The following UGGT2 variants were observed in gnomAD, a reference collection of about 807,000 sequenced individuals.
UGGT2 encodes UDP-glucose glycoprotein glucosyltransferase 2, also known as UDP-glucose:glycoprotein glucosyltransferase 2.
Under a neutral mutation model 192.1 loss-of-function variants are expected in UGGT2, and 180 were observed. The observed-to-expected ratio is 0.94, with a 90% confidence interval of 0.83 to 1.06. UGGT2 has a LOEUF of 1.06. Among genes scored for constraint, UGGT2 ranks in the 50% least tolerant of loss-of-function variants. The pLI is 0.00. For synonymous variants in UGGT2, 580 were observed against 591.0 expected (o/e 0.98, Z 0.27); for missense variants, 1,849 against 1,795.7 (o/e 1.03, Z -0.54).
chr13:95,801,685 G>T lies in UGGT2; in HGVS notation c.*105C>A, dbSNP rs969408872. On this transcript the variant is annotated 3_prime_UTR_variant, in exon 39 of 39. Transcript: ENST00000376747. ...TTTTAAAATTAAAGAATATGTCACT[G>T]ATCTTAACGAGACTTCCAAATCGTC... 8.1e-5 allele frequency: 92 copies of T among 1,139,820 alleles called. 1 individual carries two copies. In the African/African-American group the frequency reaches 1.3e-3, roughly 16 times the overall value. The allele number at this position is 1,139,820 out of a possible 1,614,324, so 70.6% of individuals were successfully genotyped here.
intron 33 of UGGT2, among the ~76,000 whole-genome samples, chr13:95,859,220 A>C (rs1889916470): frequency 6.6e-6 from 1 of 152,140 alleles, no homozygotes; most frequent in South Asian, 2.1e-4. Context: ...CGGTATAGGT[A>C]TAGTCTTTGT....
chr13:95,812,656 T>C lies in UGGT2; in HGVS notation c.4529-10844A>G, dbSNP rs186494923. Among the ~76,000 whole-genome samples the C allele has an allele frequency of 3.3e-4, 50 of 152,172 alleles. 1 individual carries two copies. The East Asian group carries it at 8.7e-3, about 26-fold the overall frequency. Reference sequence around the variant, plus strand: ...AGGTGGGGGCTTGGTGGGAGGTGGTTTGGCTCTTGGTGGCAGTCCTTCATG... The same window carrying C: ...AGGTGGGGGCTTGGTGGGAGGTGGTCTGGCTCTTGGTGGCAGTCCTTCATG... On this transcript the variant is annotated intron_variant, in intron 38 of 38. Coordinates refer to ENST00000376747, the MANE Select transcript of UGGT2 (RefSeq NM_020121.4).
chr13:96,010,507 T>A (rs1594567135), intron 5 of UGGT2, among the ~76,000 whole-genome samples: 1 of 152,108 alleles, frequency 6.6e-6, no homozygotes, highest in African/African-American at 2.4e-5. Context: ...GGCAAGGATA[T>A]CTTCCCTCAC....
At chr13:96,001,156 T>C (rs757906507) in intron 5 of UGGT2, among the ~76,000 whole-genome samples, 28 of 152,204 alleles carry the variant, frequency 1.8e-4, no homozygotes, top group South Asian at 6.2e-4. Context: ...TGCACGTATA[T>C]GCCCAGATGG....
intron 1 of UGGT2, among the ~76,000 whole-genome samples, chr13:96,034,376 G>C (rs1373326420): frequency 6.6e-6 from 1 of 152,218 alleles, no homozygotes; most frequent in Non-Finnish European, 1.5e-5. Flanking sequence ...GTTCTCCTAA[G>C]AGCTGTACTG....
At chr13:95,929,748 A>T (rs1017941330) in intron 17 of UGGT2, among the ~76,000 whole-genome samples, 2 of 152,208 alleles carry the variant, frequency 1.3e-5, no homozygotes, top group South Asian at 4.1e-4. Context: ...GCTGCAGTGA[A>T]CATACATGTG....
At chr13:95,919,427 A>G (rs937046096) in intron 20 of UGGT2, among the ~76,000 whole-genome samples, 1 of 152,208 alleles carries the variant, frequency 6.6e-6, no homozygotes, top group African/African-American at 2.4e-5. Context: ...AAGTCAAATT[A>G]CATTTGTTTG....
chr13:95,817,398 A>G lies in UGGT2; in HGVS notation c.4528+15529T>C, dbSNP rs115962258. On this transcript the variant is annotated intron_variant, in intron 38 of 38. Transcript: ENST00000376747. ...CCAGGAGTTGGAGACCAGCCTGGAC[A>G]ACATAGCAAGACCCTGTCCCTACAG... Among the ~76,000 whole-genome samples, 1,444 of 152,276 alleles carry G rather than the reference A, an allele frequency of 9.5e-3. 28 individuals are homozygous for G. Among genetic ancestry groups the G allele is most frequent in the African/African-American group, 0.033 (1,384 of 41,556 alleles).
intron 8 of UGGT2, among the ~76,000 whole-genome samples, 197 bp downstream of exon 8, chr13:95,989,776 T>C (rs763607315): frequency 6.6e-6 from 1 of 152,122 alleles, no homozygotes; most frequent in Non-Finnish European, 1.5e-5. Context: ...ATTTTAAGTC[T>C]TGCAAATATA....
intron 12 of UGGT2, among the ~76,000 whole-genome samples, chr13:95,966,216 G>T (rs2050575743): frequency 6.6e-6 from 1 of 152,180 alleles, no homozygotes; most frequent in African/African-American, 2.4e-5. Context: ...TTTGGCCACA[G>T]AAAAGAATGA....
At chr13:95,993,293 AC>A (rs1166985455) in intron 7 of UGGT2, among the ~76,000 whole-genome samples, 1 of 152,174 alleles carries the variant, frequency 6.6e-6, no homozygotes, top group Non-Finnish European at 1.5e-5. Flanking sequence ...TACTATGCTC[AC>A]TACCTGGGTG....
At chr13:95,935,990 C>T (rs142765398) in intron 17 of UGGT2, among the ~76,000 whole-genome samples, 1 of 152,220 alleles carries the variant, frequency 6.6e-6, no homozygotes, top group Admixed American at 6.5e-5. Flanking sequence ...CCACACCTGG[C>T]TAAGTTTTAA....
chr13:95,860,734 T>G (rs1890082916), intron 32 of UGGT2, 54 bp downstream of exon 32: 1 of 1,201,316 alleles, frequency 8.3e-7, no homozygotes, highest in South Asian at 1.9e-5. Flanking sequence ...TTTTTGAAAT[T>G]TGAACCATGT....
Position 95,882,157 on chromosome 13 carries a change from G to A in UGGT2, c.3228+2334C>T, listed in dbSNP as rs1376993517. Among the ~76,000 whole-genome samples, 4 of 151,842 alleles carry A rather than the reference G, an allele frequency of 2.6e-5. No individual in the cohort carries two copies. The East Asian group carries it at 5.8e-4, about 22-fold the overall frequency. The stretch of plus-strand genomic sequence containing the variant: ...ACTCCTGACCTCATGATCCACCCAC[G>A]TTGGCCTGCCAAAGTGCTGGGATTA... On this transcript the variant is annotated intron_variant, in intron 27 of 38. Transcript: ENST00000376747.
At chr13:95,944,998 A>G (rs2049816444) in intron 15 of UGGT2, among the ~76,000 whole-genome samples, 1 of 151,888 alleles carries the variant, frequency 6.6e-6, no homozygotes, top group African/African-American at 2.4e-5. Context: ...ACTTTTTCTT[A>G]AAGTTTATTT....
chr13:95,914,246 T>TAA (rs201574355), intron 20 of UGGT2, among the ~76,000 whole-genome samples: 5 of 134,624 alleles, frequency 3.7e-5, no homozygotes, highest in Admixed American at 7.5e-5. Context: ...TAAAGTATAA[T>TAA]AAAAAAAAAA....
At chr13:96,052,829 G>C (rs773682140) in intron 1 of UGGT2, among the ~76,000 whole-genome samples, 1 of 152,250 alleles carries the variant, frequency 6.6e-6, no homozygotes, top group Admixed American at 6.5e-5. Context: ...TGTCTGAACA[G>C]AACTGCCTAC....
intron 36 of UGGT2, among the ~76,000 whole-genome samples, chr13:95,839,458 T>C (rs182710123): frequency 1.1e-3 from 170 of 152,348 alleles, no homozygotes; most frequent in Non-Finnish European, 2.4e-4. Context: ...TGCTGTGACA[T>C]ATTTCAGTAC....
intron 8 of UGGT2, among the ~76,000 whole-genome samples, chr13:95,988,302 A>G (rs1293490485): frequency 2.0e-5 from 3 of 152,146 alleles, no homozygotes; most frequent in Non-Finnish European, 4.4e-5. Flanking sequence ...TCAGGGATGT[A>G]CAAGTGATAA....
Sources: allele counts gnomAD v4.1 joint callset (sites outside exome capture counted in the v4.1 genomes callset), GRCh38; gene constraint gnomAD v4.1.1; transcripts MANE v1.5; gene names NCBI Gene and HGNC (gene_info 2026-07-23, HGNC 2026-07-21).